Variants in PALM2AKAP2 observed in about 807,000 individuals in gnomAD.
PALM2AKAP2 encodes PALM2-AKAP2 fusion protein.
Under a neutral mutation model 71.5 loss-of-function variants are expected in PALM2AKAP2, and 37 were observed. The observed-to-expected ratio is 0.52, with a 90% confidence interval of 0.40 to 0.68. PALM2AKAP2 has a LOEUF of 0.68. PALM2AKAP2 is among the 30% of genes least tolerant of loss of function. PALM2AKAP2 has a pLI of 0.00. For missense variants in PALM2AKAP2, 1,224 were observed against 1,191.8 expected (o/e 1.03, Z -0.40); for synonymous variants, 468 against 478.8 (o/e 0.98, Z 0.29).
At chr9:109,691,108 G>T (rs1827876748) in intron 1 of PALM2AKAP2, among the ~76,000 whole-genome samples, 1 of 151,516 alleles carries the variant, frequency 6.6e-6, no homozygotes, top group South Asian at 2.1e-4. Context: ...TATAAGATTT[G>T]CAAATGTTCT....
At chr9:109,766,076 A>G (rs1263123452) in intron 1 of PALM2AKAP2, among the ~76,000 whole-genome samples, 1 of 152,170 alleles carries the variant, frequency 6.6e-6, no homozygotes, top group Non-Finnish European at 1.5e-5. Context: ...CTGATAAGAT[A>G]TGTCAAGTGT....
At chr9:109,814,175 G>T (rs745906972) in intron 1 of PALM2AKAP2, among the ~76,000 whole-genome samples, 24 of 152,192 alleles carry the variant, frequency 1.6e-4, no homozygotes, top group Non-Finnish European at 2.9e-4. Context: ...CAGTGGGTAA[G>T]CAAATGCCAC....
intron 1 of PALM2AKAP2, among the ~76,000 whole-genome samples, chr9:109,694,011 CT>C (rs1386730239): frequency 6.6e-6 from 1 of 151,874 alleles, no homozygotes; most frequent in Non-Finnish European, 1.5e-5. Flanking sequence ...CTTTACTTGG[CT>C]TGTTTTCTGC....
chr9:109,698,673 C>T (rs1828008910), intron 1 of PALM2AKAP2, among the ~76,000 whole-genome samples: 1 of 152,186 alleles, frequency 6.6e-6, no homozygotes, highest in South Asian at 2.1e-4. Flanking sequence ...ATTGGTATAT[C>T]CATTCAGAGA....
intron 1 of PALM2AKAP2, among the ~76,000 whole-genome samples, chr9:109,845,379 C>T (rs1384642975): frequency 6.6e-6 from 1 of 152,190 alleles, no homozygotes; most frequent in Non-Finnish European, 1.5e-5. Context: ...CCACAAAGTG[C>T]TTGACTTGCA....
rs568063978 is a variant in PALM2AKAP2, at chr9:109,642,875, T to C, written c.5+2009T>C. Among the ~76,000 whole-genome samples the C allele has an allele frequency of 1.4e-4, 21 of 146,894 alleles. No homozygotes were observed. In the East Asian group the frequency reaches 3.7e-3, roughly 26 times the overall value. On this transcript the variant is annotated intron_variant, in intron 1 of 6. Coordinates refer to the PALM2AKAP2 transcript ENST00000374531. ...TTTTTTTTTTTAATTTATAAAGAAA[T>C]ACATGGTGTGGTGGTTCATGACTGC...
intron 1 of PALM2AKAP2, among the ~76,000 whole-genome samples, chr9:109,751,666 AG>A (rs1828888025): frequency 1.3e-5 from 2 of 152,194 alleles, no homozygotes; most frequent in Admixed American, 1.3e-4. Context: ...TCTCAATTAA[AG>A]AAGTTGAGTC....
chr9:109,868,636 A>C (rs1461644051), intron 2 of PALM2AKAP2, among the ~76,000 whole-genome samples: 1 of 152,252 alleles, frequency 6.6e-6, no homozygotes, highest in Non-Finnish European at 1.5e-5. Flanking sequence ...AACCATCAGC[A>C]AGCGAGTTAC....
chr9:109,971,357 CAT>C (rs1350081966), intron 6 of PALM2AKAP2, among the ~76,000 whole-genome samples: 3 of 97,180 alleles, frequency 3.1e-5, no homozygotes, highest in Non-Finnish European at 5.9e-5. Flanking sequence ...TCTTTGTGTT[CAT>C]AGTGTTTCCA....
chr9:109,793,040 C>A (rs1191576235), intron 1 of PALM2AKAP2, among the ~76,000 whole-genome samples: 5 of 152,176 alleles, frequency 3.3e-5, no homozygotes, highest in Non-Finnish European at 5.9e-5. Context: ...TTTTATTACA[C>A]TTAATCTTAG....
At chr9:109,933,721 T>G (rs145189254) in intron 6 of PALM2AKAP2, among the ~76,000 whole-genome samples, 1,840 of 152,392 alleles carry the variant, frequency 0.012, 20 homozygotes, top group Non-Finnish European at 0.017. Flanking sequence ...TTTTTCAAAG[T>G]AATTTTACAT....
At chr9:110,122,855 T>A (rs1319161740) in intron 1 of PALM2AKAP2, among the ~76,000 whole-genome samples, 1 of 151,982 alleles carries the variant, frequency 6.6e-6, no homozygotes, top group Non-Finnish European at 1.5e-5. Context: ...ACTTAAAGGG[T>A]GTAGAGGTGT....
chr9:109,706,997 T>C (rs1828155139), intron 1 of PALM2AKAP2, among the ~76,000 whole-genome samples: 1 of 152,240 alleles, frequency 6.6e-6, no homozygotes, highest in Admixed American at 6.5e-5. Context: ...TATTTTAATA[T>C]GCTAAAAACC....
intron 1 of PALM2AKAP2, among the ~76,000 whole-genome samples, chr9:109,720,686 A>T (rs1828392297): frequency 6.6e-6 from 1 of 152,228 alleles, no homozygotes; most frequent in Non-Finnish European, 1.5e-5. Context: ...GTCATTTCAT[A>T]TGTGAAAAAC....
intron 6 of PALM2AKAP2, among the ~76,000 whole-genome samples, chr9:110,010,243 A>T (rs1832855145): frequency 6.6e-6 from 1 of 152,084 alleles, no homozygotes; most frequent in Non-Finnish European, 1.5e-5. Flanking sequence ...CTTGTATTTT[A>T]AAAATGGAAT....
intron 1 of PALM2AKAP2, chr9:109,862,866 A>T (rs759216901): frequency 3.9e-6 from 2 of 507,792 alleles, no homozygotes; most frequent in Non-Finnish European, 7.9e-6. Context: ...AGCAATAAGA[A>T]CAAAACTAAG....
chr9:109,757,583 A>G lies in PALM2AKAP2; in HGVS notation c.6-22905A>G, dbSNP rs1828982973. Among the ~76,000 whole-genome samples the G allele has an allele frequency of 2.0e-5, 3 of 152,234 alleles. No homozygotes were observed. The South Asian group carries it at 6.2e-4, about 32-fold the overall frequency. On this transcript the variant is annotated intron_variant, in intron 1 of 6. Coordinates refer to the PALM2AKAP2 transcript ENST00000374531. ...GTCTATCACATAGCAAGTTATATAA[A>G]TGGTGCCCCAGAGTTTGATAGTCCG...
intron 3 of PALM2AKAP2, among the ~76,000 whole-genome samples, chr9:109,909,364 T>C (rs1462630378): frequency 6.6e-6 from 1 of 152,248 alleles, no homozygotes; most frequent in Non-Finnish European, 1.5e-5. Context: ...AAGATTCATT[T>C]TTGACTGAAA....
intron 1 of PALM2AKAP2, among the ~76,000 whole-genome samples, chr9:109,846,601 T>C (rs1828866113): frequency 6.6e-6 from 1 of 152,210 alleles, no homozygotes; most frequent in Non-Finnish European, 1.5e-5. Flanking sequence ...CTCCATGCTC[T>C]GGACATTCAA....
Sources: allele counts gnomAD v4.1 joint callset (sites outside exome capture counted in the v4.1 genomes callset), GRCh38; gene constraint gnomAD v4.1.1; transcripts MANE v1.5; gene names NCBI Gene and HGNC (gene_info 2026-07-23, HGNC 2026-07-21).